The following CLEC16A variants were observed in gnomAD, a reference collection of about 807,000 sequenced individuals.
The protein encoded by CLEC16A is protein CLEC16A.
In CLEC16A, 51 loss-of-function variants were observed where a neutral mutation model predicts 109.5. The ratio of observed to expected loss-of-function variants is 0.47; its 90% CI spans 0.37 to 0.59. CLEC16A has a LOEUF of 0.59. Ranked by LOEUF, CLEC16A falls within the 20% of genes least tolerant of loss-of-function variation. CLEC16A has a pLI of 0.00. For synonymous variants in CLEC16A, 673 were observed against 564.2 expected (o/e 1.19, Z -2.73); for missense variants, 1,339 against 1,394.0 (o/e 0.96, Z 0.63).
intron 15 of CLEC16A, 72 bp downstream of exon 15, chr16:11,042,435 G>A: frequency 1.6e-6 from 2 of 1,254,318 alleles, no homozygotes; most frequent in South Asian, 1.3e-5. Flanking sequence ...GAAGCTGCTG[G>A]CATCCAGATA....
chr16:11,103,004 A>G (rs556173083), intron 19 of CLEC16A, among the ~76,000 whole-genome samples: 206 of 152,340 alleles, frequency 1.4e-3, no homozygotes, highest in African/African-American at 4.7e-3. Flanking sequence ...TGCCTTCACC[A>G]CAAGGCTGAA....
rs2068944441 is a variant in CLEC16A, at chr16:11,181,181, C to T, written c.*2491C>T. On this transcript the variant is annotated 3_prime_UTR_variant, in exon 24 of 24. Transcript: ENST00000409790. ...TTGGCTTCAAAGGACCCCACCTCAC[C>T]CAGGTCTCAGCGGCAGTGGGCACAG... 6.6e-6 allele frequency: 1 copy of T among 152,470 alleles called. No individual in the cohort carries two copies. The highest frequency in any genetic ancestry group is 2.1e-4 in the South Asian group (1 of 4,832). 9.4% of individuals were successfully genotyped at this position (152,470 alleles called of 1,614,324 possible).
At chr16:10,986,218 G>C (rs1231331820) in intron 10 of CLEC16A, among the ~76,000 whole-genome samples, 1 of 151,066 alleles carries the variant, frequency 6.6e-6, no homozygotes, top group African/African-American at 2.4e-5. Flanking sequence ...TTTTAGTAGA[G>C]ACGGGGTTTC....
At chr16:11,010,769 G>A (rs921641804) in intron 11 of CLEC16A, among the ~76,000 whole-genome samples, 11 of 152,170 alleles carry the variant, frequency 7.2e-5, no homozygotes, top group African/African-American at 2.4e-4. Flanking sequence ...GAGGCGGGTG[G>A]TGCCTTCCGT....
intron 22 of CLEC16A, among the ~76,000 whole-genome samples, chr16:11,148,334 G>T (rs12927046): frequency 0.13 from 19,496 of 152,168 alleles, 1,444 homozygotes; most frequent in African/African-American, 0.2. Context: ...CTTGGATGTA[G>T]TTAGGGCTAG....
chr16:11,171,175 G>A (rs546731011), intron 23 of CLEC16A, among the ~76,000 whole-genome samples: 131 of 152,328 alleles, frequency 8.6e-4, no homozygotes, highest in African/African-American at 2.6e-3. Context: ...ATAGCCCAGC[G>A]GTAGCTTCAG....
In CLEC16A at chr16:10,971,156, C is replaced by T. The variant is rs1157988012; in HGVS notation, c.524C>T (p.Ala175Val). The T allele has an allele frequency of 6.2e-7, 1 of 1,613,532 alleles. No individual in the cohort carries two copies. The highest frequency in any genetic ancestry group is 1.7e-5 in the Admixed American group (1 of 60,018). The stretch of plus-strand genomic sequence containing the variant: ...AATGACTTTGCCCTGTACACAGAAG[C>T]CATCAAGTTTTTCAACCACCCTGAA... ...HTNDFALYTE[A>V]IKFFNHPESM... Residue 175 changes from alanine (A) to valine (V), a missense_variant, in exon 5 of 24, where the codon GCC becomes GTC. By Grantham distance (64) the Ala-to-Val change is moderately conservative. This residue lies in a region of CLEC16A where 161 missense variants were observed against 267.1 expected (regional missense o/e 0.60). Transcript: ENST00000409790.
rs556889100 is a variant in CLEC16A at position 11,137,412 on chromosome 16, A to C, written c.2641+11266A>C. Among the ~76,000 whole-genome samples the C allele has an allele frequency of 2.0e-5, 3 of 152,110 alleles. 1 individual carries two copies. The South Asian group carries it at 6.2e-4, about 32-fold the overall frequency. ...TAGCTCAAAGACAATCCCCTGGAAC[A>C]AGGTTTGGGAACCACTTCCCAAGAA... On this transcript the variant is annotated intron_variant, in intron 22 of 23. Transcript: ENST00000409790.
intron 22 of CLEC16A, among the ~76,000 whole-genome samples, chr16:11,163,932 T>C (rs1567409826): frequency 1.3e-5 from 2 of 152,226 alleles, no homozygotes; most frequent in Admixed American, 6.5e-5. Flanking sequence ...AAACAGCTTG[T>C]AAACTGGGGG....
intron 22 of CLEC16A, chr16:11,156,487 T>C (rs2153084490): frequency 1.4e-6 from 1 of 716,344 alleles, no homozygotes; most frequent in South Asian, 1.6e-5. Context: ...GCATTCCTGA[T>C]TCTGCTCCAG....
chr16:10,999,368 T>C (rs886832134), intron 10 of CLEC16A, among the ~76,000 whole-genome samples: 15 of 152,320 alleles, frequency 9.8e-5, no homozygotes, highest in African/African-American at 3.6e-4. Flanking sequence ...AAGATGCCAA[T>C]ACATTCTTAG....
At chr16:10,983,969 C>G (rs1224983267) in intron 10 of CLEC16A, among the ~76,000 whole-genome samples, 1 of 145,982 alleles carries the variant, frequency 6.9e-6, no homozygotes, top group Non-Finnish European at 1.5e-5. Flanking sequence ...GCAGCTGATT[C>G]AGTGACAGGT....
intron 19 of CLEC16A, among the ~76,000 whole-genome samples, chr16:11,104,354 C>A (rs927957939): frequency 6.6e-5 from 10 of 151,980 alleles, no homozygotes; most frequent in Admixed American, 6.5e-4. Flanking sequence ...TTTTCAAACT[C>A]TGAGCTCAAG....
chr16:10,948,823 G>A (rs1454313492), intron 1 of CLEC16A, among the ~76,000 whole-genome samples: 1 of 152,068 alleles, frequency 6.6e-6, no homozygotes, highest in Non-Finnish European at 1.5e-5. Flanking sequence ...TTTTCCTGTT[G>A]GTGTCATTTT....
chr16:11,123,638 A>G, intron 20 of CLEC16A, 104 bp from the exon 21 acceptor site: 3 of 1,087,044 alleles, frequency 2.8e-6, no homozygotes, highest in Non-Finnish European at 4.1e-6. Context: ...AAAAGCAGAG[A>G]TGAATTTGGA....
chr16:11,018,030 C>T lies in CLEC16A; in HGVS notation c.1304-2163C>T, dbSNP rs569394917. ...AAAAAAAAAAAAGGCAGGTGAAGGC[C>T]GGTGTGGTGGCTCACGCCTATAATC... On this transcript the variant is annotated intron_variant, in intron 11 of 23. Coordinates refer to ENST00000409790, the MANE Select transcript of CLEC16A (RefSeq NM_015226.3). 1.0e-4 allele frequency among the ~76,000 whole-genome samples: 15 copies of T among 149,560 alleles called. No individual in the cohort carries two copies. In the South Asian group the frequency reaches 2.7e-3, roughly 27 times the overall value.
intron 19 of CLEC16A, among the ~76,000 whole-genome samples, chr16:11,088,357 C>T (rs1248235982): frequency 6.6e-6 from 1 of 152,210 alleles, no homozygotes; most frequent in African/African-American, 2.4e-5. Context: ...GTCTGTCCCA[C>T]ACCAGGGTAT....
intron 11 of CLEC16A, among the ~76,000 whole-genome samples, chr16:11,009,110 C>A (rs1460564395): frequency 6.6e-6 from 1 of 152,152 alleles, no homozygotes; most frequent in Non-Finnish European, 1.5e-5. Flanking sequence ...TTAATAACTC[C>A]CCACCCCACC....
Position 11,123,922 on chromosome 16 carries a change from C to T in CLEC16A, c.2449C>T (p.Arg817Cys), listed in dbSNP as rs746320831. The change falls in exon 21 of 24, where the codon CGC becomes TGC. Residue 817 changes from arginine to cysteine, a missense_variant. This residue lies in a region of CLEC16A where 1,061 missense variants were observed against 1,006.8 expected (regional missense o/e 1.05). Coordinates refer to ENST00000409790, the MANE Select transcript of CLEC16A (RefSeq NM_015226.3). ...RLAKGRIQAR[R>C]MKMQRIAALL... ...GGCCAAAGGCCGCATCCAGGCAAGG[C>T]GCATGAAGATGCAGAGAATAGCTGG... 48 of 1,612,320 alleles carry T rather than the reference C, an allele frequency of 3.0e-5. No homozygotes were observed. The highest frequency in any genetic ancestry group is 6.7e-5 in the Admixed American group (4 of 59,850).
Sources: allele counts gnomAD v4.1 joint callset (sites outside exome capture counted in the v4.1 genomes callset), GRCh38; gene constraint gnomAD v4.1.1; regional missense constraint gnomAD v4.1.1; transcripts MANE v1.5; gene names NCBI Gene and HGNC (gene_info 2026-07-23, HGNC 2026-07-21).